The following IQGAP2 variants were observed in gnomAD, a reference collection of about 807,000 sequenced individuals.
The protein encoded by IQGAP2 is ras GTPase-activating-like protein IQGAP2.
In IQGAP2, 173 loss-of-function variants were observed where a neutral mutation model predicts 201.3. The ratio of observed to expected loss-of-function variants is 0.86; its 90% CI spans 0.76 to 0.98. The LOEUF is 0.98. Among genes scored for constraint, IQGAP2 ranks in the 50% least tolerant of loss-of-function variants. The pLI is 0.00. For synonymous variants in IQGAP2, 675 were observed against 673.9 expected (o/e 1.00, Z -0.03); for missense variants, 1,687 against 1,864.8 (o/e 0.90, Z 1.76).
intron 30 of IQGAP2, among the ~76,000 whole-genome samples, chr5:76,686,340 T>TG (rs1554085967): frequency 2.7e-4 from 38 of 140,094 alleles, no homozygotes; most frequent in African/African-American, 9.4e-4. Context: ...ATCTGTTTTT[T>TG]TTGTTGTTGT....
chr5:76,643,049 GATTTT>G (rs1425004230), intron 17 of IQGAP2, among the ~76,000 whole-genome samples: 1 of 152,086 alleles, frequency 6.6e-6, no homozygotes, highest in African/African-American at 2.4e-5. Context: ...AAACAAAAAA[GATTTT>G]ATATCAGAAA....
rs1561606110 is a variant in IQGAP2, at chr5:76,698,000, A to G, written c.4220A>G (p.Gln1407Arg). The G allele has an allele frequency of 6.2e-7, 1 of 1,611,178 alleles. No homozygotes were observed. Among genetic ancestry groups the G allele is most frequent in the Non-Finnish European group, 8.5e-7 (1 of 1,178,990 alleles). Residue 1407 changes from glutamine (Q) to arginine (R), a missense_variant, in exon 33 of 36, where the codon CAA (glutamine) becomes CGA (arginine). Transcript: ENST00000274364. ...LNEIAKDIRN[Q>R]RIYRKLRKAE... ...TTGTTGTTTTAGGATATTCGAAATCAAAGAATCTATCGTAAGCTTCGAAAA... is the reference window on the plus strand; with the variant it reads ...TTGTTGTTTTAGGATATTCGAAATCGAAGAATCTATCGTAAGCTTCGAAAA...
At position 76,652,766 on chromosome 5, in the gene IQGAP2, A is replaced by G. The variant is rs1272713741; in HGVS notation, c.2111A>G (p.Tyr704Cys). ...VVKIQAFWKG[Y>C]KQRKEYMHRR... Reference sequence around the variant, plus strand: ...TTTCCTTAGGCTTTTTGGAAAGGATATAAACAACGGAAGGAGTATATGCAC... The same window carrying G: ...TTTCCTTAGGCTTTTTGGAAAGGATGTAAACAACGGAAGGAGTATATGCAC... Residue 704 changes from tyrosine (Y) to cysteine (C), a missense_variant, in exon 18 of 36, where the codon TAT (tyrosine) becomes TGT (cysteine). Physicochemically the swap from Tyr to Cys is radical, Grantham distance 194. Coordinates refer to ENST00000274364, the MANE Select transcript of IQGAP2 (RefSeq NM_006633.5). 6.2e-7 allele frequency: 1 copy of G among 1,610,570 alleles called. No homozygotes were observed. The highest frequency in any genetic ancestry group is 1.1e-5 in the South Asian group (1 of 90,996).
At chr5:76,706,204 T>A (rs922773468) in intron 35 of IQGAP2, among the ~76,000 whole-genome samples, 1 of 152,212 alleles carries the variant, frequency 6.6e-6, no homozygotes, top group African/African-American at 2.4e-5. Flanking sequence ...CTGTATTATA[T>A]ACCAAAAAAG....
At chr5:76,532,736 C>T (rs1759385262) in intron 2 of IQGAP2, among the ~76,000 whole-genome samples, 1 of 152,168 alleles carries the variant, frequency 6.6e-6, no homozygotes, top group African/African-American at 2.4e-5. Context: ...TGGACTGGCT[C>T]GTTCTTGTCG....
At chr5:76,630,559 T>C (rs560788695) in intron 14 of IQGAP2, among the ~76,000 whole-genome samples, 10 of 152,296 alleles carry the variant, frequency 6.6e-5, no homozygotes, top group South Asian at 4.2e-4. Context: ...AATGATGATA[T>C]ATCCAAGAAA....
At chr5:76,416,970 A>AG (rs753993284) in intron 1 of IQGAP2, among the ~76,000 whole-genome samples, 2 of 152,128 alleles carry the variant, frequency 1.3e-5, no homozygotes, top group African/African-American at 2.4e-5. Flanking sequence ...ATGGGACCAT[A>AG]GGCATGCACC....
At chr5:76,418,634 G>C (rs963529159) in intron 1 of IQGAP2, among the ~76,000 whole-genome samples, 2 of 151,678 alleles carry the variant, frequency 1.3e-5, no homozygotes, top group Non-Finnish European at 2.9e-5. Flanking sequence ...AAGACTTTAA[G>C]AGTAGTTTCT....
rs1748035911 is a variant in IQGAP2, at chr5:76,707,741, A to G, written c.*428A>G. On this transcript the variant is annotated 3_prime_UTR_variant, in exon 36 of 36. Coordinates refer to ENST00000274364, the MANE Select transcript of IQGAP2 (RefSeq NM_006633.5). ...ATGGAAACCTAATTATTTGTAATGA[A>G]TTATTTAGACAGTTCTAAGCCCTGT... is the stretch of plus-strand genomic sequence containing the variant. 1 of 156,576 alleles carries G rather than the reference A, an allele frequency of 6.4e-6. No individual in the cohort carries two copies. The highest frequency in any genetic ancestry group is 2.4e-5 in the African/African-American group (1 of 41,472). 9.7% of individuals were successfully genotyped at this position (156,576 alleles called of 1,614,324 possible).
chr5:76,506,694 A>G (rs1217307785), intron 2 of IQGAP2, among the ~76,000 whole-genome samples: 2 of 152,248 alleles, frequency 1.3e-5, no homozygotes, highest in Non-Finnish European at 2.9e-5. Context: ...AAAGATGAAT[A>G]CATAAGTAAA....
chr5:76,488,750 G>A (rs1241374007), intron 2 of IQGAP2, among the ~76,000 whole-genome samples: 2 of 152,100 alleles, frequency 1.3e-5, no homozygotes, highest in East Asian at 3.8e-4. Context: ...TGTAATGGCC[G>A]GACTAATCCA....
intron 2 of IQGAP2, among the ~76,000 whole-genome samples, chr5:76,517,330 C>T (rs1430157569): frequency 6.6e-6 from 1 of 152,094 alleles, no homozygotes; most frequent in African/African-American, 2.4e-5. Flanking sequence ...CTTTTAAACC[C>T]ACTCACCATT....
At chr5:76,560,304 C>T (rs1258236275) in intron 2 of IQGAP2, among the ~76,000 whole-genome samples, 1 of 150,314 alleles carries the variant, frequency 6.7e-6, no homozygotes, top group Non-Finnish European at 1.5e-5. Flanking sequence ...AGGTGCAAAC[C>T]ACCATGCCTG....
chr5:76,587,983 C>T lies in IQGAP2; in HGVS notation c.459-923C>T, dbSNP rs368182346. On this transcript the variant is annotated intron_variant, in intron 5 of 35. Transcript: ENST00000274364. Reference sequence around the variant, plus strand: ...AAAAAAAAAATCAGAAAATTATTGTCAGTTTTAATGCAAGCTACTTACATT... The same window carrying T: ...AAAAAAAAAATCAGAAAATTATTGTTAGTTTTAATGCAAGCTACTTACATT... 2.1e-4 allele frequency among the ~76,000 whole-genome samples: 32 copies of T among 151,086 alleles called. No individual in the cohort carries two copies. In the East Asian group the frequency reaches 5.6e-3, roughly 27 times the overall value.
At chr5:76,702,339 C>T (rs1747477710) in intron 34 of IQGAP2, 143 bp from the exon 35 acceptor site, 7 of 572,368 alleles carry the variant, frequency 1.2e-5, no homozygotes, top group South Asian at 6.6e-5. Context: ...GGAAAGATGA[C>T]GTGAGGTTTT....
intron 15 of IQGAP2, among the ~76,000 whole-genome samples, chr5:76,635,091 G>A (rs944132043): frequency 6.6e-6 from 1 of 152,138 alleles, no homozygotes; most frequent in African/African-American, 2.4e-5. Flanking sequence ...CTCTTCATCA[G>A]GAATTACTGT....
rs569375138 is a variant in IQGAP2 at position 76,417,871 on chromosome 5, T to G, written c.46+14280T>G. Among the ~76,000 whole-genome samples, 434 of 151,808 alleles carry G rather than the reference T, an allele frequency of 2.9e-3. 6 individuals carry two copies. Among genetic ancestry groups the G allele is most frequent in the Non-Finnish European group, 5.2e-4 (35 of 67,952 alleles). ...TGCTGGGATTACAGGCATGAACCATTGTGCCTGGCTGATATGTGCTTTTTT... is the reference window on the plus strand; with the variant it reads ...TGCTGGGATTACAGGCATGAACCATGGTGCCTGGCTGATATGTGCTTTTTT... On this transcript the variant is annotated intron_variant, in intron 1 of 35. Transcript: ENST00000274364.
intron 2 of IQGAP2, among the ~76,000 whole-genome samples, chr5:76,552,775 G>T (rs893074310): frequency 3.9e-5 from 6 of 152,124 alleles, no homozygotes; most frequent in African/African-American, 1.4e-4. Flanking sequence ...AACACAGTTT[G>T]GGGAAGCTTG....
intron 2 of IQGAP2, among the ~76,000 whole-genome samples, chr5:76,527,632 A>T (rs1261956479): frequency 1.3e-5 from 2 of 152,206 alleles, no homozygotes; most frequent in Admixed American, 1.3e-4. Flanking sequence ...TGTCGTATTA[A>T]TCTCTGAAGG....
Sources: gnomAD v4.1 joint callset for allele counts (sites outside exome capture counted in the v4.1 genomes callset) on GRCh38, gnomAD v4.1.1 for gene constraint, MANE v1.5 for transcripts, NCBI Gene and HGNC (gene_info 2026-07-23, HGNC 2026-07-21) for gene names.